The following DCC variants were observed in gnomAD, a reference collection of about 807,000 sequenced individuals.
DCC encodes DCC netrin 1 receptor.
Under a neutral mutation model 172.5 loss-of-function variants are expected in DCC, and 58 were observed. The ratio of observed to expected loss-of-function variants is 0.34; its 90% CI spans 0.27 to 0.42. The LOEUF is 0.42. Among genes scored for constraint, DCC ranks in the 10% least tolerant of loss-of-function variants. The pLI, the probability that DCC is intolerant of heterozygous loss-of-function variation, is 1.00. For missense variants in DCC, 1,740 were observed against 1,791.0 expected (o/e 0.97, Z 0.51); for synonymous variants, 709 against 644.5 (o/e 1.10, Z -1.52).
chr18:52,939,847 G>A (rs112830764), intron 5 of DCC, among the ~76,000 whole-genome samples: 1,771 of 152,162 alleles, frequency 0.012, 24 homozygotes, highest in African/African-American at 0.038. Flanking sequence ...AGAATACCAG[G>A]ATAACCCAAA....
intron 2 of DCC, among the ~76,000 whole-genome samples, chr18:52,822,685 T>C (rs2038428089): frequency 6.6e-6 from 1 of 152,200 alleles, no homozygotes; most frequent in African/African-American, 2.4e-5. Flanking sequence ...TTCAACCACA[T>C]GGCACTTCTT....
intron 27 of DCC, among the ~76,000 whole-genome samples, chr18:53,504,602 T>C (rs536246600): frequency 2.0e-5 from 3 of 152,210 alleles, no homozygotes; most frequent in Non-Finnish European, 4.4e-5. Context: ...TCATCCTAAA[T>C]TACCATTGGT....
intron 1 of DCC, among the ~76,000 whole-genome samples, chr18:52,351,789 T>C (rs923320408): frequency 7.9e-5 from 12 of 152,212 alleles, no homozygotes; most frequent in Non-Finnish European, 1.8e-4. Flanking sequence ...TTTCTATGCA[T>C]TTTGTCCCTA....
At chr18:53,383,827 T>C (rs1907945512) in intron 15 of DCC, among the ~76,000 whole-genome samples, 1 of 152,054 alleles carries the variant, frequency 6.6e-6, no homozygotes, top group African/African-American at 2.4e-5. Flanking sequence ...ACCAAGAATC[T>C]GGTTCTCAGG....
chr18:52,600,714 G>A (rs528465789), intron 1 of DCC, among the ~76,000 whole-genome samples: 1,438 of 110,330 alleles, frequency 0.013, 8 homozygotes, highest in Non-Finnish European at 0.015. Flanking sequence ...AAAATTTTGC[G>A]CATTGTTGTT....
chr18:53,339,705 A>C lies in DCC; in HGVS notation c.2165-8A>C, dbSNP rs757683795. The C allele has an allele frequency of 6.2e-7, 1 of 1,612,538 alleles. No individual in the cohort carries two copies. The highest frequency in any genetic ancestry group is 8.5e-7 in the Non-Finnish European group (1 of 1,178,738). ...GACATGCTGATGATGCCTCTTTTTG[A>C]ATGCTAGAATCTCAAGTTCCTGATC... On this transcript the variant is annotated splice_polypyrimidine_tract_variant and splice_region_variant and intron_variant, in intron 14 of 28. Transcript: ENST00000442544.
At chr18:53,025,172 A>G (rs1452564523) in intron 5 of DCC, among the ~76,000 whole-genome samples, 3 of 152,164 alleles carry the variant, frequency 2.0e-5, no homozygotes, top group Admixed American at 6.6e-5. Context: ...ATGAGGATTT[A>G]CTGACGAGTC....
chr18:52,389,928 T>C (rs1331812159), intron 1 of DCC, among the ~76,000 whole-genome samples: 1 of 152,098 alleles, frequency 6.6e-6, no homozygotes, highest in Non-Finnish European at 1.5e-5. Context: ...TACTAACCTT[T>C]CACACATATT....
intron 1 of DCC, among the ~76,000 whole-genome samples, chr18:52,400,859 C>T (rs548139256): frequency 7.9e-5 from 12 of 151,958 alleles, no homozygotes; most frequent in South Asian, 2.1e-4. Flanking sequence ...AACCAAACAC[C>T]GCATGTTCTC....
At chr18:53,131,200 T>C (rs11873641) in intron 7 of DCC, among the ~76,000 whole-genome samples, 25,476 of 152,052 alleles carry the variant, frequency 0.17, 2,801 homozygotes, top group African/African-American at 0.31. Flanking sequence ...TGAACTGCAA[T>C]ATCAGCATAA....
chr18:52,446,268 A>G (rs1341617669), intron 1 of DCC, among the ~76,000 whole-genome samples: 1 of 152,194 alleles, frequency 6.6e-6, no homozygotes, highest in Non-Finnish European at 1.5e-5. Context: ...TGTACATGGC[A>G]GGTTGTTGTT....
chr18:53,533,614 C>A lies in DCC; in HGVS notation c.*2961C>A, dbSNP rs779630036. ...ATGTATAAAGAATATTTGGATGATG[C>A]TCTAGCCAAAAGTTAAATATTTCGT... On this transcript the variant is annotated 3_prime_UTR_variant, in exon 29 of 29. Coordinates refer to ENST00000442544, the MANE Select transcript of DCC (RefSeq NM_005215.4). 1.3e-5 allele frequency: 2 copies of A among 152,004 alleles called. No homozygotes were observed. The highest frequency in any genetic ancestry group is 2.9e-5 in the Non-Finnish European group (2 of 68,010). 9.4% of individuals were successfully genotyped at this position (152,004 alleles called of 1,614,324 possible). A position where few individuals can be genotyped will look rare whatever the true frequency, so the allele number is the denominator to read the frequency against.
intron 2 of DCC, among the ~76,000 whole-genome samples, chr18:52,796,590 A>G (rs1787205522): frequency 6.6e-6 from 1 of 152,114 alleles, no homozygotes; most frequent in South Asian, 2.1e-4. Context: ...TGCTGGGTCT[A>G]GTATTTTTGG....
intron 2 of DCC, among the ~76,000 whole-genome samples, chr18:52,786,910 A>G (rs949002902): frequency 1.3e-5 from 2 of 152,086 alleles, no homozygotes; most frequent in Non-Finnish European, 2.9e-5. Flanking sequence ...CAGTTTTCCA[A>G]TTGTGTCCCA....
At chr18:53,353,222 C>T (rs941122983) in intron 15 of DCC, among the ~76,000 whole-genome samples, 1 of 149,842 alleles carries the variant, frequency 6.7e-6, no homozygotes, top group Non-Finnish European at 1.5e-5. Flanking sequence ...TGCAGTAAGC[C>T]GAGATCACGC....
chr18:53,066,121 G>T lies in DCC; in HGVS notation c.1216G>T (p.Ala406Ser). 6.2e-7 allele frequency: 1 copy of T among 1,613,390 alleles called. No homozygotes were observed. Among genetic ancestry groups the T allele is most frequent in the Non-Finnish European group, 8.5e-7 (1 of 1,179,588 alleles). ...TTATCAATGTGTGGCTGAAAATGAG[G>T]CTGGAAATGCCCAGACCAGTGCACA... ...GFYQCVAENE[A>S]GNAQTSAQLI... Residue 406 changes from alanine (A) to serine (S), a missense_variant, in exon 7 of 29, where the codon GCT becomes TCT. Physicochemically the swap from Ala to Ser is moderately conservative, Grantham distance 99 (BLOSUM62 1). Around this residue, in one of 2 missense-constraint regions of DCC, gnomAD observed 1,732 missense variants for 1,767.4 expected, o/e 0.98. Transcript: ENST00000442544.
intron 1 of DCC, among the ~76,000 whole-genome samples, chr18:52,637,499 C>T (rs191618450): frequency 1.7e-3 from 260 of 152,078 alleles, no homozygotes; most frequent in African/African-American, 5.9e-3. Flanking sequence ...ACTTTGGAGG[C>T]GCTTTTGGAA....
At chr18:53,280,190 G>A (rs1025312651) in intron 12 of DCC, among the ~76,000 whole-genome samples, 2 of 152,064 alleles carry the variant, frequency 1.3e-5, no homozygotes, top group Non-Finnish European at 2.9e-5. Flanking sequence ...TAAAGCACAA[G>A]GTCTAGCACA....
At chr18:52,344,905 C>T (rs756555686) in intron 1 of DCC, among the ~76,000 whole-genome samples, 16 of 152,058 alleles carry the variant, frequency 1.1e-4, no homozygotes, top group Admixed American at 2.6e-4. Context: ...GGATTTCCAC[C>T]CCCTCATACC....
Sources: gnomAD v4.1 joint callset for allele counts (sites outside exome capture counted in the v4.1 genomes callset) on GRCh38, gnomAD v4.1.1 for gene constraint, gnomAD v4.1.1 regional missense constraint, MANE v1.5 for transcripts, NCBI Gene and HGNC (gene_info 2026-07-23, HGNC 2026-07-21) for gene names.